The following INPP4B variants were observed in gnomAD, a reference collection of about 807,000 sequenced individuals.
INPP4B encodes inositol polyphosphate-4-phosphatase type II B, also known as inositol polyphosphate 4-phosphatase type II.
A neutral mutation model predicts 122.5 loss-of-function variants in INPP4B; 55 were observed. That is an observed-to-expected ratio of 0.45 (90% CI 0.36 to 0.56). The LOEUF (loss-of-function observed/expected upper bound fraction) is 0.56. INPP4B is among the 20% of genes least tolerant of loss of function. The probability of loss-of-function intolerance (pLI) is 0.00; values close to 1 mark genes in which losing one functional copy is unlikely to be tolerated. For missense variants in INPP4B, 1,000 were observed against 1,097.7 expected, an observed-to-expected ratio of 0.91 and a Z score of 1.26; for synonymous variants, 403 against 388.7, an observed-to-expected ratio of 1.04 and a Z score of -0.43.
chr4:142,710,622 T>C (rs1310397631), intron 2 of INPP4B, among the ~76,000 whole-genome samples: 1 of 152,216 alleles, frequency 6.6e-6, no homozygotes, highest in African/African-American at 2.4e-5. Context: ...TGAAAGCCAC[T>C]TATTTGTGTC....
intron 7 of INPP4B, among the ~76,000 whole-genome samples, chr4:142,351,655 A>G (rs181813850): frequency 1.4e-3 from 217 of 152,120 alleles, no homozygotes; most frequent in African/African-American, 5.0e-3. Context: ...CTTCTCCTAA[A>G]TGCTCTACAT....
rs1491262489 is a variant in INPP4B at position 142,367,188 on chromosome 4, A to ATATGTGTG, written c.372+35749_372+35750insCACACATA. On this transcript the variant is annotated intron_variant, in intron 7 of 25. Transcript: ENST00000262992. ...AATAGTGTGTATGTATACATGTAAT[A>ATATGTGTG]TGTGTGTGTGTGTGTGTGTGTGTGT... Among the ~76,000 whole-genome samples, 32 of 132,822 alleles carry ATATGTGTG rather than the reference A, an allele frequency of 2.4e-4. No individual in the cohort carries two copies. The East Asian group carries it at 6.1e-3, about 25-fold the overall frequency. The allele number at this position is 132,822 out of a possible 152,430, so 87.1% of individuals were successfully genotyped here.
intron 2 of INPP4B, among the ~76,000 whole-genome samples, chr4:142,582,700 G>T (rs913609084): frequency 1.3e-5 from 2 of 152,100 alleles, no homozygotes; most frequent in African/African-American, 4.8e-5. Context: ...CTCATGAAAT[G>T]GGCATGGGCC....
chr4:142,662,697 T>A (rs1208738959), intron 2 of INPP4B, among the ~76,000 whole-genome samples: 1 of 152,188 alleles, frequency 6.6e-6, no homozygotes, highest in African/African-American at 2.4e-5. Flanking sequence ...CCCTGAATGA[T>A]TCCATGGAGA....
intron 3 of INPP4B, among the ~76,000 whole-genome samples, chr4:142,453,782 G>A (rs924520309): frequency 1.3e-5 from 2 of 152,184 alleles, no homozygotes; most frequent in East Asian, 3.9e-4. Flanking sequence ...GCTCTACAGT[G>A]AGAATAAGAG....
At chr4:142,484,479 T>C (rs1417376560) in intron 2 of INPP4B, among the ~76,000 whole-genome samples, 9 of 152,190 alleles carry the variant, frequency 5.9e-5, no homozygotes, top group African/African-American at 1.9e-4. Context: ...AATGAAACAC[T>C]AGAATTAGAA....
chr4:142,102,460 C>CTTTTTTT (rs35404733), intron 23 of INPP4B, among the ~76,000 whole-genome samples: 7 of 99,694 alleles, frequency 7.0e-5, no homozygotes, highest in Admixed American at 2.2e-4. Context: ...TGAACAAAGT[C>CTTTTTTT]TTTTTTTTTT....
chr4:142,158,440 A>C (rs1047648027), intron 17 of INPP4B, among the ~76,000 whole-genome samples: 1 of 152,088 alleles, frequency 6.6e-6, no homozygotes, highest in African/African-American at 2.4e-5. Context: ...AAGGCAGAAC[A>C]GGTACTCAGT....
chr4:142,513,126 A>G (rs1337966266), intron 2 of INPP4B, among the ~76,000 whole-genome samples: 1 of 152,210 alleles, frequency 6.6e-6, no homozygotes, highest in Non-Finnish European at 1.5e-5. Context: ...TATTAATTTA[A>G]TGAGCAAATA....
Position 142,260,578 on chromosome 4 carries a change from TAAAA to T in INPP4B, c.616-18_616-15del. 4 of 1,086,322 alleles carry T rather than the reference TAAAA, an allele frequency of 3.7e-6. No individual in the cohort carries two copies. Among genetic ancestry groups the T allele is most frequent in the East Asian group, 3.1e-5 (1 of 32,088 alleles). 67.3% of individuals were successfully genotyped at this position (1,086,322 alleles called of 1,614,324 possible). ...TACCAGGGCACACTAGGAAAAAATG[TAAAA>T]AAAAAAAAAAAATTTTGAGAACAAT... On this transcript the variant is annotated splice_polypyrimidine_tract_variant and intron_variant, in intron 10 of 25. Transcript: ENST00000262992.
At chr4:142,173,585 A>C (rs765025438) in intron 16 of INPP4B, 47 bp downstream of exon 16, 1 of 1,522,542 alleles carries the variant, frequency 6.6e-7, no homozygotes, top group East Asian at 2.3e-5. Context: ...ACCAATGGGA[A>C]TTTGAGTATT....
chr4:142,306,314 A>G, intron 8 of INPP4B, among the ~76,000 whole-genome samples: 1 of 151,722 alleles, frequency 6.6e-6, no homozygotes, highest in East Asian at 1.9e-4. Flanking sequence ...TAAAAGTCAC[A>G]ATATTATGGG....
chr4:142,467,649 G>A (rs1261377275), intron 2 of INPP4B, among the ~76,000 whole-genome samples: 4 of 152,066 alleles, frequency 2.6e-5, no homozygotes, highest in African/African-American at 9.7e-5. Flanking sequence ...CATGAGTTAA[G>A]ACTTTGGAGG....
chr4:142,059,319 C>T (rs1288409585), intron 25 of INPP4B, among the ~76,000 whole-genome samples: 1 of 152,118 alleles, frequency 6.6e-6, no homozygotes, highest in Non-Finnish European at 1.5e-5. Flanking sequence ...TAGCCCCTGA[C>T]AGTGCCCCAT....
At chr4:142,540,275 T>A (rs1828781734) in intron 2 of INPP4B, among the ~76,000 whole-genome samples, 1 of 151,734 alleles carries the variant, frequency 6.6e-6, no homozygotes, top group South Asian at 2.1e-4. Context: ...GAGGCCAAAC[T>A]ATTTAATCTC....
intron 9 of INPP4B, among the ~76,000 whole-genome samples, chr4:142,275,820 GA>G (rs989402065): frequency 1.1e-4 from 16 of 151,596 alleles, no homozygotes; most frequent in African/African-American, 3.9e-4. Flanking sequence ...CTCACCTTCA[GA>G]CATTCCATCC....
chr4:142,422,858 T>C (rs150922453), intron 5 of INPP4B, among the ~76,000 whole-genome samples: 1 of 151,842 alleles, frequency 6.6e-6, no homozygotes, highest in African/African-American at 2.4e-5. Flanking sequence ...ATCAAGAAAA[T>C]GGATGTCAAT....
chr4:142,255,316 C>T (rs1329686764), intron 11 of INPP4B, among the ~76,000 whole-genome samples: 1 of 151,502 alleles, frequency 6.6e-6, no homozygotes, highest in Non-Finnish European at 1.5e-5. Flanking sequence ...AAATAACCAG[C>T]TAATATCATA....
rs182921330 is a variant in INPP4B at position 142,347,285 on chromosome 4, T to A, written c.373-32523A>T. ...ATGTTCCCTCCACCCAGACCCAAAA[T>A]TCTTCAACCAACCTCTTAATAGGGA... On this transcript the variant is annotated intron_variant, in intron 7 of 25. Coordinates refer to ENST00000262992, the MANE Select transcript of INPP4B (RefSeq NM_001101669.3). 512 of 171,004 alleles carry A rather than the reference T, an allele frequency of 3.0e-3. 5 individuals are homozygous for A. The highest frequency in any genetic ancestry group is 0.012 in the African/African-American group (489 of 41,722). 10.6% of individuals were successfully genotyped at this position (171,004 alleles called of 1,614,324 possible). A position where few individuals can be genotyped will look rare whatever the true frequency, so the allele number is the denominator to read the frequency against.
Sources: gnomAD v4.1 joint callset for allele counts (sites outside exome capture counted in the v4.1 genomes callset) on GRCh38, gnomAD v4.1.1 for gene constraint, MANE v1.5 for transcripts, NCBI Gene and HGNC (gene_info 2026-07-23, HGNC 2026-07-21) for gene names.